Variants in EML6 observed in about 807,000 individuals in gnomAD.
The protein encoded by EML6 is EMAP like 6, also known as echinoderm microtubule-associated protein-like 6.
Under a neutral mutation model 240.1 loss-of-function variants are expected in EML6, and 154 were observed. The observed-to-expected ratio is 0.64, with a 90% confidence interval of 0.56 to 0.73. The LOEUF (loss-of-function observed/expected upper bound fraction) is 0.73, where lower values mean the gene tolerates loss of function less well. Ranked by LOEUF, EML6 falls within the 30% of genes least tolerant of loss-of-function variation. The pLI is 0.00. For missense variants in EML6, 2,964 were observed against 2,474.6 expected (o/e 1.20, Z -4.20); for synonymous variants, 1,148 against 899.0 (o/e 1.28, Z -4.95).
intron 26 of EML6, among the ~76,000 whole-genome samples, chr2:54,918,328 A>G (rs1176230849): frequency 1.3e-5 from 2 of 152,168 alleles, no homozygotes; most frequent in East Asian, 1.9e-4. Context: ...TCAGTTTTAC[A>G]TTCCATTTAT....
intron 2 of EML6, among the ~76,000 whole-genome samples, chr2:54,757,057 A>C (rs952955498): frequency 6.6e-6 from 1 of 151,906 alleles, no homozygotes; most frequent in African/African-American, 2.4e-5. Flanking sequence ...TGCTTTTTAA[A>C]AATTTACTGA....
chr2:54,860,605 C>G (rs949120274), intron 12 of EML6, among the ~76,000 whole-genome samples: 1 of 152,186 alleles, frequency 6.6e-6, no homozygotes, highest in Non-Finnish European at 1.5e-5. Context: ...AGGAGTTTGT[C>G]CACACATTGA....
intron 25 of EML6, among the ~76,000 whole-genome samples, chr2:54,913,432 T>C (rs1363085424): frequency 1.3e-5 from 2 of 152,088 alleles, no homozygotes; most frequent in African/African-American, 2.4e-5. Context: ...ATAATAGTTT[T>C]AGTAGAGCCA....
At chr2:54,814,095 G>T (rs887152524) in intron 3 of EML6, among the ~76,000 whole-genome samples, 1 of 152,206 alleles carries the variant, frequency 6.6e-6, no homozygotes, top group Non-Finnish European at 1.5e-5. Context: ...ATAAGAGCTT[G>T]GAGTACTCAA....
intron 10 of EML6, among the ~76,000 whole-genome samples, chr2:54,850,608 C>A (rs1327476281): frequency 6.6e-6 from 1 of 151,876 alleles, no homozygotes; most frequent in East Asian, 1.9e-4. Context: ...ATGGGCAAAT[C>A]TCACATGACC....
intron 21 of EML6, among the ~76,000 whole-genome samples, chr2:54,898,142 T>C (rs746819152): frequency 6.6e-6 from 1 of 152,120 alleles, no homozygotes; most frequent in African/African-American, 2.4e-5. Flanking sequence ...TACAGCTGTT[T>C]ATGATCAGCT....
chr2:54,851,311 GC>G (rs1670074392), intron 10 of EML6, among the ~76,000 whole-genome samples: 1 of 152,208 alleles, frequency 6.6e-6, no homozygotes. Flanking sequence ...TACTTGGGAG[GC>G]TAAGGCGGCA....
rs1243371102 is a variant in EML6, at chr2:54,952,692, G to A, written c.4312G>A (p.Gly1438Arg). The change falls in exon 31 of 42, where the codon GGG (glycine) becomes AGG (arginine). Residue 1438 changes from glycine (G) to arginine (R), a missense_variant and splice_region_variant. Transcript: ENST00000356458. ...AAACGTGGTGGCCACCAGCCAGATAGGTAGGAGGTCCTGTGGCAGCTGAGG... is the reference window on the plus strand; with the variant it reads ...AAACGTGGTGGCCACCAGCCAGATAAGTAGGAGGTCCTGTGGCAGCTGAGG... ...YRNVVATSQI[G>R]TTPSIHIWDA... is the part of the protein sequence containing the mutation. 1.9e-6 allele frequency: 3 copies of A among 1,548,578 alleles called. No homozygotes were observed. The highest frequency in any genetic ancestry group is 1.7e-6 in the Non-Finnish European group (2 of 1,144,422).
At chr2:54,767,035 C>G (rs922232036) in intron 2 of EML6, among the ~76,000 whole-genome samples, 2 of 152,074 alleles carry the variant, frequency 1.3e-5, no homozygotes, top group Non-Finnish European at 2.9e-5. Context: ...AGTTTGCTTT[C>G]ACATAATTTT....
In EML6 at chr2:54,968,820, C is replaced by A. The variant is rs1435996508; in HGVS notation, c.5852+52C>A. 4.0e-6 allele frequency: 4 copies of A among 998,154 alleles called. No individual in the cohort carries two copies. In the African/African-American group the frequency reaches 6.4e-5, roughly 16 times the overall value. 61.8% of individuals were successfully genotyped at this position (998,154 alleles called of 1,614,324 possible). A position where few individuals can be genotyped will look rare whatever the true frequency, so the allele number is the denominator to read the frequency against. ...ACTCCACAGGCCTGGCCAGCTCTCC[C>A]TCCCCATCTCAGGCATCCCGTGGGT... On this transcript the variant is annotated intron_variant, in intron 41 of 41. Transcript: ENST00000356458.
intron 2 of EML6, among the ~76,000 whole-genome samples, chr2:54,804,820 G>A (rs887931357): frequency 6.6e-6 from 1 of 152,058 alleles, no homozygotes; most frequent in Non-Finnish European, 1.5e-5. Flanking sequence ...AAAACAGTAT[G>A]GTTAATGGCT....
intron 2 of EML6, among the ~76,000 whole-genome samples, chr2:54,760,404 A>G (rs1008277696): frequency 1.3e-5 from 2 of 152,016 alleles, no homozygotes; most frequent in African/African-American, 2.4e-5. Context: ...AAATTCCCCT[A>G]TTGACAGACT....
At chr2:54,801,525 C>T (rs1670148721) in intron 2 of EML6, among the ~76,000 whole-genome samples, 1 of 152,094 alleles carries the variant, frequency 6.6e-6, no homozygotes, top group African/African-American at 2.4e-5. Flanking sequence ...ATTGCTTGCG[C>T]CAGCTCTGAG....
intron 24 of EML6, among the ~76,000 whole-genome samples, chr2:54,908,665 C>T (rs1670150524): frequency 6.6e-6 from 1 of 152,184 alleles, no homozygotes; most frequent in South Asian, 2.1e-4. Context: ...TTTGACCCCT[C>T]TCTCTGCACA....
Position 54,952,712 on chromosome 2 carries a change from C to CTGAGG in EML6, c.4312+21_4312+25dup. The CTGAGG allele has an allele frequency of 6.6e-7, 1 of 1,509,886 alleles. No homozygotes were observed. Among genetic ancestry groups the CTGAGG allele is most frequent in the Non-Finnish European group, 9.0e-7 (1 of 1,109,456 alleles). The allele number at this position is 1,509,886 out of a possible 1,614,324, so 93.5% of individuals were successfully genotyped here. A position where few individuals can be genotyped will look rare whatever the true frequency, so the allele number is the denominator to read the frequency against. ...AGATAGGTAGGAGGTCCTGTGGCAG[C>CTGAGG]TGAGGCTCTCCCAGCTTGCAGGGAC... On this transcript the variant is annotated intron_variant, in intron 31 of 41. Coordinates refer to ENST00000356458, the MANE Select transcript of EML6 (RefSeq NM_001039753.4).
chr2:54,792,602 A>C (rs988550039), intron 2 of EML6, among the ~76,000 whole-genome samples: 5 of 152,250 alleles, frequency 3.3e-5, no homozygotes, highest in African/African-American at 1.2e-4. Flanking sequence ...TGTGGTGGTT[A>C]CATGATCACA....
At chr2:54,962,470 A>T in intron 35 of EML6, 53 bp from the exon 36 acceptor site, 1 of 1,343,618 alleles carries the variant, frequency 7.4e-7, no homozygotes, top group Non-Finnish European at 1.0e-6. Flanking sequence ...ACCTCATATG[A>T]GTGCAGTCAT....
chr2:54,753,183 A>G (rs1223088025), intron 2 of EML6, among the ~76,000 whole-genome samples: 1 of 152,202 alleles, frequency 6.6e-6, no homozygotes, highest in African/African-American at 2.4e-5. Context: ...AAGACTTGGT[A>G]TTGAATGTCT....
intron 4 of EML6, among the ~76,000 whole-genome samples, chr2:54,817,978 C>A (rs1422092824): frequency 6.6e-6 from 1 of 151,916 alleles, no homozygotes; most frequent in Admixed American, 6.6e-5. Context: ...TCCAGTAGTT[C>A]CCAATCCTGG....
Sources: allele counts gnomAD v4.1 joint callset (sites outside exome capture counted in the v4.1 genomes callset), GRCh38; gene constraint gnomAD v4.1.1; transcripts MANE v1.5; gene names NCBI Gene and HGNC (gene_info 2026-07-23, HGNC 2026-07-21).